The following R3HDM2 variants were observed in gnomAD, a reference collection of about 807,000 sequenced individuals.
R3HDM2 encodes the protein R3H domain containing 2.
R3HDM2 carries 38 observed loss-of-function variants against 124.5 expected under a neutral mutation model. The ratio of observed to expected loss-of-function variants is 0.31; its 90% CI spans 0.24 to 0.40. The LOEUF (loss-of-function observed/expected upper bound fraction) is 0.40, where lower values mean the gene tolerates loss of function less well. Among genes scored for constraint, R3HDM2 ranks in the 10% least tolerant of loss-of-function variants. The pLI, the probability that R3HDM2 is intolerant of heterozygous loss-of-function variation, is 1.00. For synonymous variants in R3HDM2, 391 were observed against 448.0 expected, an observed-to-expected ratio of 0.87 and a Z score of 1.61; for missense variants, 869 against 1,236.9, an observed-to-expected ratio of 0.70 and a Z score of 4.46.
rs371578604 is a variant in R3HDM2 at position 57,254,751 on chromosome 12, C to G, written c.*22G>C. The G allele has an allele frequency of 6.7e-7, 1 of 1,489,390 alleles. No individual in the cohort carries two copies. The allele number at this position is 1,489,390 out of a possible 1,614,324, so 92.3% of individuals were successfully genotyped here. On this transcript the variant is annotated 3_prime_UTR_variant, in exon 24 of 24. Transcript: ENST00000402412. ...CACCCTGCCCTTGCTCCTTCTGTGACAGTCCCTTTCCCCTCCTCCATTTAT... is the reference window on the plus strand; with the variant it reads ...CACCCTGCCCTTGCTCCTTCTGTGAGAGTCCCTTTCCCCTCCTCCATTTAT...
chr12:57,363,777 T>C (rs1024102525), intron 2 of R3HDM2, among the ~76,000 whole-genome samples: 1 of 151,892 alleles, frequency 6.6e-6, no homozygotes, highest in East Asian at 1.9e-4. Context: ...GAGGCTGAGG[T>C]TGGAGGACTG....
chr12:57,292,541 T>C (rs2048875950), intron 11 of R3HDM2, 31 bp downstream of exon 11: 1 of 1,426,128 alleles, frequency 7.0e-7, no homozygotes, highest in Middle Eastern at 1.7e-4. Context: ...CTAAAAGCTA[T>C]GGGCTGACAA....
intron 2 of R3HDM2, among the ~76,000 whole-genome samples, chr12:57,343,408 C>T (rs562448642): frequency 1.2e-3 from 185 of 151,874 alleles, no homozygotes; most frequent in Middle Eastern, 0.01. Flanking sequence ...AGGCTGGTCT[C>T]GAACTCCCGA....
intron 10 of R3HDM2, 69 bp downstream of exon 10, chr12:57,295,330 A>T: frequency 9.4e-7 from 1 of 1,064,522 alleles, no homozygotes; most frequent in Non-Finnish European, 1.4e-6. Flanking sequence ...TCCCACAAAA[A>T]TTCTTCTCCC....
At chr12:57,398,469 C>T (rs2138920629) in intron 1 of R3HDM2, among the ~76,000 whole-genome samples, 1 of 151,926 alleles carries the variant, frequency 6.6e-6, no homozygotes, top group East Asian at 1.9e-4. Flanking sequence ...CTTGTATCCT[C>T]AGAAATCTCT....
At chr12:57,402,695 G>A (rs892551366) in intron 1 of R3HDM2, among the ~76,000 whole-genome samples, 5 of 151,598 alleles carry the variant, frequency 3.3e-5, no homozygotes, top group South Asian at 2.1e-4. Flanking sequence ...ACTTCAACCC[G>A]GGAGGCAGAG....
intron 2 of R3HDM2, among the ~76,000 whole-genome samples, chr12:57,344,825 T>TG (rs1209442813): frequency 6.6e-6 from 1 of 151,998 alleles, no homozygotes; most frequent in Non-Finnish European, 1.5e-5. Flanking sequence ...CCTGTTTTTT[T>TG]GTTTTTTGTT....
rs757270087 is a variant in R3HDM2, at chr12:57,255,065, C to T, written c.2681G>A (p.Arg894His). 5 of 1,611,026 alleles carry T rather than the reference C, an allele frequency of 3.1e-6. No homozygotes were observed. The highest frequency in any genetic ancestry group is 1.7e-5 in the Admixed American group (1 of 59,838). The part of the protein sequence containing the change: ...EVTDLPEGIT[R>H]TEADKLFTQL... The stretch of plus-strand genomic sequence containing the variant: ...CGTGAAGAGTTTGTCCGCCTCAGTA[C>T]GGGTGATGCCCTCAGGGAGATCTGT... Residue 894 changes from arginine (R) to histidine (H), a missense_variant, in exon 24 of 24, where the codon CGT becomes CAT. Coordinates refer to ENST00000402412, the MANE Select transcript of R3HDM2 (RefSeq NM_001394031.1).
At chr12:57,359,052 G>A (rs1229729220) in intron 2 of R3HDM2, among the ~76,000 whole-genome samples, 1 of 151,874 alleles carries the variant, frequency 6.6e-6, no homozygotes, top group South Asian at 2.1e-4. Flanking sequence ...CGAGTAGCTG[G>A]GACTACAGGC....
intron 4 of R3HDM2, among the ~76,000 whole-genome samples, chr12:57,301,843 A>G (rs1298217735): frequency 6.6e-6 from 1 of 152,230 alleles, no homozygotes; most frequent in East Asian, 1.9e-4. Flanking sequence ...TTAATACTTT[A>G]CTGCTTCCCA....
chr12:57,419,850 T>C (rs2070018369), intron 1 of R3HDM2, among the ~76,000 whole-genome samples: 1 of 151,978 alleles, frequency 6.6e-6, no homozygotes, highest in Non-Finnish European at 1.5e-5. Flanking sequence ...TGCCTAGCCA[T>C]ACAAGTACCC....
In R3HDM2 at chr12:57,254,623, T is replaced by C. The variant is rs1318572317; in HGVS notation, c.*150A>G. 4.4e-6 allele frequency: 3 copies of C among 679,264 alleles called. No individual in the cohort carries two copies. Among genetic ancestry groups the C allele is most frequent in the East Asian group, 2.9e-5 (1 of 34,800 alleles). 42.1% of individuals were successfully genotyped at this position (679,264 alleles called of 1,614,324 possible). A position where few individuals can be genotyped will look rare whatever the true frequency, so the allele number is the denominator to read the frequency against. ...AGAAGGAGTCCAATGCCAGTGTAGG[T>C]ATCTGTGTTTCCATCTTCATCACTG... On this transcript the variant is annotated 3_prime_UTR_variant, in exon 24 of 24. Transcript: ENST00000402412.
At chr12:57,348,692 T>C (rs2060300213) in intron 2 of R3HDM2, among the ~76,000 whole-genome samples, 1 of 20,760 alleles carries the variant, frequency 4.8e-5, no homozygotes, top group African/African-American at 2.0e-4. Context: ...AGACTCCGTC[T>C]CAAAAAAAAA....
intron 19 of R3HDM2, among the ~76,000 whole-genome samples, chr12:57,264,199 G>A (rs371805473): frequency 1.5e-5 from 2 of 137,196 alleles, no homozygotes; most frequent in Non-Finnish European, 3.1e-5. Context: ...CCGAGATCAC[G>A]CCACTGCACT....
intron 14 of R3HDM2, among the ~76,000 whole-genome samples, chr12:57,276,986 A>G (rs1234630478): frequency 1.3e-5 from 2 of 151,776 alleles, no homozygotes; most frequent in Non-Finnish European, 2.9e-5. Context: ...GGTGCAGTGT[A>G]TACTGCTCGG....
At chr12:57,324,255 C>A (rs1163195133) in intron 2 of R3HDM2, among the ~76,000 whole-genome samples, 1 of 152,188 alleles carries the variant, frequency 6.6e-6, no homozygotes, top group African/African-American at 2.4e-5. Context: ...GTGATCTCGG[C>A]TCACTGCAAT....
chr12:57,396,265 C>A (rs1254433880), intron 1 of R3HDM2, among the ~76,000 whole-genome samples: 2 of 151,374 alleles, frequency 1.3e-5, no homozygotes, highest in South Asian at 2.1e-4. Context: ...CATGGTGAAG[C>A]CTTGTCTCTA....
chr12:57,413,458 G>A (rs1045523586), intron 1 of R3HDM2, among the ~76,000 whole-genome samples: 4 of 149,910 alleles, frequency 2.7e-5, no homozygotes, highest in Non-Finnish European at 5.9e-5. Flanking sequence ...AAAGCAGGCT[G>A]GGCACAGTGG....
At chr12:57,404,653 T>C (rs1160362329) in intron 1 of R3HDM2, among the ~76,000 whole-genome samples, 1 of 152,130 alleles carries the variant, frequency 6.6e-6, no homozygotes, top group African/African-American at 2.4e-5. Context: ...TGAGCCGAGA[T>C]TGTGCCACTG....
Sources: allele counts gnomAD v4.1 joint callset (sites outside exome capture counted in the v4.1 genomes callset), GRCh38; gene constraint gnomAD v4.1.1; transcripts MANE v1.5; gene names NCBI Gene and HGNC (gene_info 2026-07-23, HGNC 2026-07-21).